The following NEMP2 variants were observed in gnomAD, a reference collection of about 807,000 sequenced individuals.
The protein encoded by NEMP2 is nuclear envelope integral membrane protein 2.
A neutral mutation model predicts 54.2 loss-of-function variants in NEMP2; 53 were observed. The ratio of observed to expected loss-of-function variants is 0.98; its 90% CI spans 0.78 to 1.23. The LOEUF (loss-of-function observed/expected upper bound fraction) is 1.23, where lower values mean the gene tolerates loss of function less well. NEMP2 is among the 50% of genes most tolerant of loss of function. NEMP2 has a pLI of 0.00. For missense variants in NEMP2, 455 were observed against 511.3 expected, an observed-to-expected ratio of 0.89 and a Z score of 1.06; for synonymous variants, 197 against 190.3, an observed-to-expected ratio of 1.04 and a Z score of -0.29.
the NEMP2 span, among the ~76,000 whole-genome samples, chr2:190,627,670 CT>C: frequency 6.6e-6 from 1 of 150,534 alleles, no homozygotes; most frequent in African/African-American, 2.4e-5. This position sits in a 1 kb window ranked among gnomAD's most constrained non-coding sequence, Gnocchi z 4.4. Flanking sequence ...TGACTCTATT[CT>C]TTTTATTGCC....
Position 190,514,798 on chromosome 2 carries a change from T to C in NEMP2, c.728-120A>G, listed in dbSNP as rs1049939562. 7.4e-6 allele frequency: 7 copies of C among 942,836 alleles called. No individual in the cohort carries two copies. The African/African-American group carries it at 8.3e-5, about 11-fold the overall frequency. The allele number at this position is 942,836 out of a possible 1,614,324, so 58.4% of individuals were successfully genotyped here. A position where few individuals can be genotyped will look rare whatever the true frequency, so the allele number is the denominator to read the frequency against. ...AGAGAACCTTAATTTTTGTGTTTTTTACCCCATAAAGTAAGGTTGAAAAAT... is the reference window on the plus strand; with the variant it reads ...AGAGAACCTTAATTTTTGTGTTTTTCACCCCATAAAGTAAGGTTGAAAAAT... On this transcript the variant is annotated intron_variant, in intron 6 of 8. Transcript: ENST00000409150. The surrounding 1 kb of genome is among the most constrained non-coding windows in gnomAD (Gnocchi z 5.7).
At chr2:190,472,159 T>G in the NEMP2 span, among the ~76,000 whole-genome samples, 2 of 152,068 alleles carry the variant, frequency 1.3e-5, no homozygotes, top group African/African-American at 2.4e-5. Flanking sequence ...GCAGAAAAAC[T>G]GAAAATTCTA....
chr2:190,557,355 C>T, the NEMP2 span, among the ~76,000 whole-genome samples: 2 of 152,070 alleles, frequency 1.3e-5, no homozygotes, highest in African/African-American at 4.8e-5. Context: ...AACGTAAGAC[C>T]TAAAGCCATA....
chr2:190,492,725 A>T, the NEMP2 span, among the ~76,000 whole-genome samples: 1 of 151,980 alleles, frequency 6.6e-6, no homozygotes, highest in African/African-American at 2.4e-5. The surrounding 1 kb of genome is among the most constrained non-coding windows in gnomAD (Gnocchi z 5.2). Flanking sequence ...GGAAAGATAC[A>T]GTCTTTTTCA....
At chr2:190,436,919 T>C in the NEMP2 span, 2 of 1,614,226 alleles carry the variant, frequency 1.2e-6, no homozygotes, top group Non-Finnish European at 1.7e-6. This position sits in a 1 kb window ranked among gnomAD's most constrained non-coding sequence, Gnocchi z 5.3. Context: ...GTTGTCATAA[T>C]AGGAGAATTT....
the NEMP2 span, among the ~76,000 whole-genome samples, chr2:190,548,161 G>A: frequency 3.9e-5 from 6 of 152,108 alleles, no homozygotes; most frequent in African/African-American, 1.2e-4. Flanking sequence ...ACCACATTGT[G>A]GTTGTGTCCC....
chr2:190,498,763 A>G, the NEMP2 span, among the ~76,000 whole-genome samples: 1 of 152,118 alleles, frequency 6.6e-6, no homozygotes, highest in African/African-American at 2.4e-5. The surrounding 1 kb of genome is among the most constrained non-coding windows in gnomAD (Gnocchi z 5.9). Context: ...GAGTAGCAAT[A>G]TTTTCATTAC....
rs1690823605 is a variant in NEMP2 at position 190,523,516 on chromosome 2, A to G, written c.213+1747T>C. Among the ~76,000 whole-genome samples, 1 of 152,202 alleles carries G rather than the reference A, an allele frequency of 6.6e-6. No individual in the cohort carries two copies. The highest frequency in any genetic ancestry group is 2.1e-4 in the South Asian group (1 of 4,826). On this transcript the variant is annotated intron_variant, in intron 2 of 8. Transcript: ENST00000409150. This position sits in a 1 kb window ranked among gnomAD's most constrained non-coding sequence, Gnocchi z 5.3. ...CACGGTTTCTAATAGGTAGATATAG[A>G]TGTATGTGCAGGCCTATGCGTGTGT...
the NEMP2 span, among the ~76,000 whole-genome samples, chr2:190,541,893 A>G: frequency 6.6e-6 from 1 of 151,500 alleles, no homozygotes; most frequent in Non-Finnish European, 1.5e-5. This position sits in a 1 kb window ranked among gnomAD's most constrained non-coding sequence, Gnocchi z 5.2. Flanking sequence ...TTTTTCTAAC[A>G]GCACTTTGAA....
the NEMP2 span, among the ~76,000 whole-genome samples, chr2:190,447,465 A>G: frequency 5.3e-5 from 8 of 152,120 alleles, no homozygotes; most frequent in African/African-American, 1.9e-4. The surrounding 1 kb of genome is among the most constrained non-coding windows in gnomAD (Gnocchi z 4.5). Flanking sequence ...TATATGGAGG[A>G]CACATAGGCC....
chr2:190,484,803 A>G, the NEMP2 span, among the ~76,000 whole-genome samples: 1 of 152,196 alleles, frequency 6.6e-6, no homozygotes, highest in South Asian at 2.1e-4. Flanking sequence ...CACTTATACG[A>G]TATCTTAAAA....
chr2:190,540,379 G>T, the NEMP2 span, among the ~76,000 whole-genome samples: 1 of 151,772 alleles, frequency 6.6e-6, no homozygotes, highest in African/African-American at 2.4e-5. Flanking sequence ...AACCCCCCAG[G>T]CTCAAATGAT....
At chr2:190,573,484 T>C in the NEMP2 span, among the ~76,000 whole-genome samples, 1 of 152,190 alleles carries the variant, frequency 6.6e-6, no homozygotes, top group East Asian at 1.9e-4. Flanking sequence ...GCCTGGTTTG[T>C]CTCTTTTCCC....
chr2:190,461,641 C>T, the NEMP2 span, among the ~76,000 whole-genome samples: 51 of 152,248 alleles, frequency 3.3e-4, no homozygotes, highest in African/African-American at 1.1e-3. The surrounding 1 kb of genome is among the most constrained non-coding windows in gnomAD (Gnocchi z 5.5). Flanking sequence ...GCTGTGTTCT[C>T]TCATGGCAGA....
chr2:190,448,713 A>G, the NEMP2 span, among the ~76,000 whole-genome samples: 1 of 152,354 alleles, frequency 6.6e-6, no homozygotes, highest in African/African-American at 2.4e-5. Flanking sequence ...AGCTTTCTGG[A>G]CAGGACAAAA....
the NEMP2 span, among the ~76,000 whole-genome samples, chr2:190,565,421 G>A: frequency 6.6e-6 from 1 of 152,136 alleles, no homozygotes; most frequent in East Asian, 1.9e-4. Context: ...CTGTTTAATG[G>A]GTCATAACCA....
intron 1 of NEMP2, chr2:190,534,057 A>ACAGC (rs5837191): frequency 0.75 from 738,751 of 984,932 alleles, 279,007 homozygotes; most frequent in Admixed American, 0.79. Context: ...CAAGGTCACA[A>ACAGC]CAGTCAGGGG....
the NEMP2 span, among the ~76,000 whole-genome samples, chr2:190,444,051 T>C: frequency 2.1e-4 from 32 of 152,164 alleles, no homozygotes; most frequent in Admixed American, 8.5e-4. Flanking sequence ...CAAGACCCTG[T>C]TTCAAAAAAG....
In NEMP2 at chr2:190,514,762, T is replaced by C. The variant is rs1690493160; in HGVS notation, c.728-84A>G. Reference sequence around the variant, plus strand: ...ACCTGGCAGAGCCTTGACTTAAAGGTAAAAACTATTAGAGAACCTTAATTT... The same window carrying C: ...ACCTGGCAGAGCCTTGACTTAAAGGCAAAAACTATTAGAGAACCTTAATTT... On this transcript the variant is annotated intron_variant, in intron 6 of 8. Transcript: ENST00000409150. This position sits in a 1 kb window ranked among gnomAD's most constrained non-coding sequence, Gnocchi z 5.7. 7.8e-7 allele frequency: 1 copy of C among 1,285,432 alleles called. No individual in the cohort carries two copies. Among genetic ancestry groups the C allele is most frequent in the Admixed American group, 2.3e-5 (1 of 44,108 alleles). 79.6% of individuals were successfully genotyped at this position (1,285,432 alleles called of 1,614,324 possible). A position where few individuals can be genotyped will look rare whatever the true frequency, so the allele number is the denominator to read the frequency against.
Sources: allele counts gnomAD v4.1 joint callset (sites outside exome capture counted in the v4.1 genomes callset), GRCh38; gene constraint gnomAD v4.1.1; non-coding constraint Gnocchi (gnomAD v3.1); transcripts MANE v1.5; gene names NCBI Gene and HGNC (gene_info 2026-07-23, HGNC 2026-07-21).